MAF: variants seen among roughly 807,000 people sequenced by gnomAD.
MAF encodes the protein MAF bZIP transcription factor, also known as transcription factor Maf.
In MAF, 10 loss-of-function variants were observed where a neutral mutation model predicts 22.0. The observed-to-expected ratio is 0.45, with a 90% CI of 0.28 to 0.77. MAF has a LOEUF of 0.77. MAF is among the 30% of genes least tolerant of loss of function. MAF has a pLI of 0.12. For missense variants in MAF, 544 were observed against 548.4 expected, an observed-to-expected ratio of 0.99 and a Z score of 0.08; for synonymous variants, 337 against 255.8, an observed-to-expected ratio of 1.32 and a Z score of -3.03.
the MAF span, among the ~76,000 whole-genome samples, chr16:79,306,837 G>T: frequency 3.9e-5 from 6 of 152,168 alleles, no homozygotes; most frequent in African/African-American, 1.4e-4. Context: ...GTACATTTCT[G>T]TGCCTTAACT....
At chr16:79,240,798 C>T in the MAF span, among the ~76,000 whole-genome samples, 48 of 152,050 alleles carry the variant, frequency 3.2e-4, 1 homozygote, top group African/African-American at 7.5e-4. Flanking sequence ...AAGAGAGCTT[C>T]GGCTGGCATC....
At chr16:79,532,253 G>T in the MAF span, among the ~76,000 whole-genome samples, 264 of 152,082 alleles carry the variant, frequency 1.7e-3, 2 homozygotes, top group African/African-American at 6.1e-3. Flanking sequence ...GGTTTGAGAA[G>T]AACCAAGGCA....
chr16:79,543,676 CTTTTTTTTTTTTTCTTTTTT>C, the MAF span, among the ~76,000 whole-genome samples: 3 of 137,284 alleles, frequency 2.2e-5, no homozygotes, highest in Non-Finnish European at 3.1e-5. Flanking sequence ...TTTTCTTTTT[CTTTTTTTTTTTTTCTTTTTT>C]TTTTTTCTGA....
At chr16:79,246,649 A>G in the MAF span, among the ~76,000 whole-genome samples, 1 of 152,170 alleles carries the variant, frequency 6.6e-6, no homozygotes, top group Admixed American at 6.5e-5. Flanking sequence ...CAAATTTCCA[A>G]CATGAAATGT....
chr16:79,552,079 C>T, the MAF span, among the ~76,000 whole-genome samples: 5 of 152,090 alleles, frequency 3.3e-5, no homozygotes, highest in Non-Finnish European at 7.4e-5. Flanking sequence ...GAAACCTAAC[C>T]GCCCCAAGAC....
chr16:79,273,099 G>T, the MAF span, among the ~76,000 whole-genome samples: 8 of 152,226 alleles, frequency 5.3e-5, no homozygotes, highest in Admixed American at 4.6e-4. Flanking sequence ...TTTGCTCTGC[G>T]GTGTCCTTGT....
the MAF span, among the ~76,000 whole-genome samples, chr16:79,338,721 T>A: frequency 5.9e-5 from 9 of 152,278 alleles, no homozygotes; most frequent in East Asian, 1.4e-3. Flanking sequence ...TTATAATCTA[T>A]ACACTCGCGA....
the MAF span, among the ~76,000 whole-genome samples, chr16:79,490,901 G>A: frequency 8.8e-3 from 1,341 of 152,202 alleles, 22 homozygotes; most frequent in African/African-American, 0.03. Flanking sequence ...AGGAAGAGGC[G>A]GGGTGATTTA....
At chr16:79,315,346 T>C in the MAF span, among the ~76,000 whole-genome samples, 1 of 152,184 alleles carries the variant, frequency 6.6e-6, no homozygotes, top group African/African-American at 2.4e-5. Context: ...GAAACTACTA[T>C]GATTTTAATT....
At chr16:79,521,950 C>A in the MAF span, among the ~76,000 whole-genome samples, 1 of 152,170 alleles carries the variant, frequency 6.6e-6, no homozygotes, top group Non-Finnish European at 1.5e-5. Flanking sequence ...GTAGTCCCTG[C>A]CTCCAAGGAG....
chr16:79,519,061 A>G, the MAF span, among the ~76,000 whole-genome samples: 2 of 152,218 alleles, frequency 1.3e-5, no homozygotes, highest in Admixed American at 6.5e-5. Flanking sequence ...TAATAATAAT[A>G]TTACTAATGC....
At chr16:79,229,747 C>A in the MAF span, among the ~76,000 whole-genome samples, 1 of 152,022 alleles carries the variant, frequency 6.6e-6, no homozygotes, top group Non-Finnish European at 1.5e-5. Context: ...GCTGAAAATA[C>A]TTTGTACCTC....
the MAF span, among the ~76,000 whole-genome samples, chr16:79,230,015 A>G: frequency 6.6e-6 from 1 of 152,006 alleles, no homozygotes; most frequent in South Asian, 2.1e-4. Context: ...AAAAAAGAAT[A>G]AAAGCACTAC....
chr16:79,216,352 T>C, the MAF span, among the ~76,000 whole-genome samples: 16 of 151,760 alleles, frequency 1.1e-4, no homozygotes, highest in African/African-American at 3.6e-4. Context: ...ATGTATTGCA[T>C]ATATATGTGT....
At chr16:79,247,287 T>C in the MAF span, among the ~76,000 whole-genome samples, 1 of 152,214 alleles carries the variant, frequency 6.6e-6, no homozygotes, top group Non-Finnish European at 1.5e-5. Context: ...AAAGGCATCT[T>C]GAAATTACTG....
At chr16:79,232,040 G>C in the MAF span, among the ~76,000 whole-genome samples, 1 of 151,960 alleles carries the variant, frequency 6.6e-6, no homozygotes, top group Non-Finnish European at 1.5e-5. Flanking sequence ...TGCCACCGCT[G>C]ATAGGACAGG....
At chr16:79,518,844 G>A in the MAF span, among the ~76,000 whole-genome samples, 3 of 152,144 alleles carry the variant, frequency 2.0e-5, no homozygotes, top group African/African-American at 7.2e-5. Flanking sequence ...AGAATTGCTT[G>A]AACCCAGGAG....
At chr16:79,366,675 A>C in the MAF span, among the ~76,000 whole-genome samples, 2 of 152,184 alleles carry the variant, frequency 1.3e-5, no homozygotes, top group Non-Finnish European at 2.9e-5. Flanking sequence ...TGACTTCTTT[A>C]TCTCTCCCAT....
chr16:79,473,874 A>T, the MAF span, among the ~76,000 whole-genome samples: 1 of 152,120 alleles, frequency 6.6e-6, no homozygotes, highest in East Asian at 1.9e-4. Context: ...TTAAATGAGA[A>T]ATCATCAGTG....
Sources: allele counts gnomAD v4.1 joint callset (sites outside exome capture counted in the v4.1 genomes callset), GRCh38; gene constraint gnomAD v4.1.1; transcripts MANE v1.5; gene names NCBI Gene and HGNC (gene_info 2026-07-23, HGNC 2026-07-21).